Variants in ANKDD1A observed in about 807,000 individuals in gnomAD.
The protein encoded by ANKDD1A is ankyrin repeat and death domain-containing protein 1A.
ANKDD1A carries 59 observed loss-of-function variants against 63.5 expected under a neutral mutation model. The observed-to-expected ratio is 0.93, with a 90% CI of 0.75 to 1.15. ANKDD1A has a LOEUF of 1.15. Ranked by LOEUF, ANKDD1A falls within the 50% of genes most tolerant of loss-of-function variation. The pLI is 0.00. For missense variants in ANKDD1A, 632 were observed against 656.4 expected, an observed-to-expected ratio of 0.96 and a Z score of 0.41; for synonymous variants, 266 against 263.9, an observed-to-expected ratio of 1.01 and a Z score of -0.08.
chr15:64,957,401 C>T lies in ANKDD1A; in HGVS notation c.*213C>T, dbSNP rs2085427314. The T allele has an allele frequency of 6.2e-6, 1 of 161,022 alleles. No homozygotes were observed. Among genetic ancestry groups the T allele is most frequent in the Non-Finnish European group, 1.4e-5 (1 of 73,094 alleles). The allele number at this position is 161,022 out of a possible 1,614,324, so 10.0% of individuals were successfully genotyped here. ...GCTTATCACAGTTACAATGTGTTTTCTGAAAGTAAAGATTATTTTACCTTG... is the reference window on the plus strand; with the variant it reads ...GCTTATCACAGTTACAATGTGTTTTTTGAAAGTAAAGATTATTTTACCTTG... On this transcript the variant is annotated 3_prime_UTR_variant, in exon 15 of 15. Transcript: ENST00000319580.
At chr15:64,952,127 TCTTC>T (rs2085299421) in intron 14 of ANKDD1A, among the ~76,000 whole-genome samples, 1 of 135,900 alleles carries the variant, frequency 7.4e-6, no homozygotes, top group African/African-American at 3.6e-5. Context: ...TTCTTCTCTT[TCTTC>T]TTCTTCCTTA....
In ANKDD1A at chr15:64,957,099, C is replaced by T. The variant is rs2085424433; in HGVS notation, c.1484-4C>T. On this transcript the variant is annotated splice_region_variant and splice_polypyrimidine_tract_variant and intron_variant, in intron 14 of 14. Transcript: ENST00000319580. ...TTTTGAGACAGTCTTGCTCTCTCACCCAGGCTGGAGTACAATGGCGAGATC... is the reference window on the plus strand; with the variant it reads ...TTTTGAGACAGTCTTGCTCTCTCACTCAGGCTGGAGTACAATGGCGAGATC... 2.2e-6 allele frequency: 1 copy of T among 448,266 alleles called. No individual in the cohort carries two copies. The highest frequency in any genetic ancestry group is 2.0e-5 in the African/African-American group (1 of 49,216). 27.8% of individuals were successfully genotyped at this position (448,266 alleles called of 1,614,324 possible).
intron 14 of ANKDD1A, among the ~76,000 whole-genome samples, chr15:64,956,332 G>A (rs2085416534): frequency 2.6e-5 from 4 of 151,098 alleles, no homozygotes; most frequent in South Asian, 4.2e-4. Flanking sequence ...GGCAGATCAC[G>A]AGGTCAGGAG....
In ANKDD1A at chr15:64,942,523, GCTC is replaced by G; in HGVS notation, c.928_930del (p.Leu310del). Reference sequence around the variant, plus strand: ...GGCACAACTTCCCTGCCTTGGTCCGGCTCCTCATCAACTCCGACAGTGACGTGA... The same window carrying G: ...GGCACAACTTCCCTGCCTTGGTCCGGCTCATCAACTCCGACAGTGACGTGA... On this transcript the variant is annotated inframe_deletion, in exon 10 of 15. Coordinates refer to ENST00000319580, the MANE Select transcript of ANKDD1A (RefSeq NM_182703.6). 2 of 1,613,842 alleles carry G rather than the reference GCTC, an allele frequency of 1.2e-6. No individual in the cohort carries two copies. Among genetic ancestry groups the G allele is most frequent in the Non-Finnish European group, 1.7e-6 (2 of 1,179,924 alleles).
At chr15:64,935,505 C>G (rs769556110) in intron 9 of ANKDD1A, among the ~76,000 whole-genome samples, 5 of 151,956 alleles carry the variant, frequency 3.3e-5, no homozygotes, top group Non-Finnish European at 7.4e-5. Flanking sequence ...GAAACCCCAT[C>G]TCTACTAAAA....
intron 10 of ANKDD1A, 138 bp from the exon 11 acceptor site, chr15:64,943,346 A>G: frequency 1.4e-6 from 1 of 735,496 alleles, no homozygotes; most frequent in Non-Finnish European, 2.3e-6. Flanking sequence ...CATGTATGTA[A>G]AACCAACAAA....
rs748575132 is a variant in ANKDD1A, at chr15:64,915,766, C to G, written c.35-31C>G. ...TGTCTGCAGTGTGGGGCATCCTCCCCCTCATCCTGCACCCCATTTTCTCCC... is the reference window on the plus strand; with the variant it reads ...TGTCTGCAGTGTGGGGCATCCTCCCGCTCATCCTGCACCCCATTTTCTCCC... On this transcript the variant is annotated intron_variant, in intron 1 of 14. Transcript: ENST00000319580. 63 of 1,596,488 alleles carry G rather than the reference C, an allele frequency of 3.9e-5. No homozygotes were observed. The East Asian group carries it at 1.2e-3, about 31-fold the overall frequency.
intron 2 of ANKDD1A, 136 bp downstream of exon 2, chr15:64,916,036 T>C (rs1383573898): frequency 1.3e-6 from 1 of 798,090 alleles, no homozygotes. Flanking sequence ...TCGGGCTCTG[T>C]CCTCATGGCC....
intron 5 of ANKDD1A, 52 bp from the exon 6 acceptor site, chr15:64,926,849 T>C (rs1595848848): frequency 6.3e-7 from 1 of 1,593,516 alleles, no homozygotes; most frequent in Admixed American, 1.7e-5. Context: ...CAGAGGCAGG[T>C]ATGCCCACTG....
At position 64,943,579 on chromosome 15, in the gene ANKDD1A, T is replaced by C. The variant is rs148623549; in HGVS notation, c.1062T>C (p.Asp354=). Reference sequence around the variant, plus strand: ...CTGGGGTTGACTTAAACCTGAGAGATAAGGTACCTCTGCTTACAACCCACC... The same window carrying C: ...CTGGGGTTGACTTAAACCTGAGAGACAAGGTACCTCTGCTTACAACCCACC... ...LIAGVDLNLR[D]KQGKTALAVA... Residue 354 remains aspartate, a synonymous_variant, in exon 11 of 15, where the codon GAT becomes GAC. Coordinates refer to ENST00000319580, the MANE Select transcript of ANKDD1A (RefSeq NM_182703.6). 64 of 1,614,142 alleles carry C rather than the reference T, an allele frequency of 4.0e-5. No homozygotes were observed. In the African/African-American group the frequency reaches 8.4e-4, roughly 21 times the overall value.
At chr15:64,936,143 A>G (rs1023957938) in intron 9 of ANKDD1A, among the ~76,000 whole-genome samples, 4 of 152,180 alleles carry the variant, frequency 2.6e-5, no homozygotes, top group South Asian at 2.1e-4. Flanking sequence ...CAAGTACTAT[A>G]TTTAAACTTA....
chr15:64,934,211 G>A lies in ANKDD1A; in HGVS notation c.844G>A (p.Gly282Ser), dbSNP rs1186010202. 6.2e-7 allele frequency: 1 copy of A among 1,612,218 alleles called. No individual in the cohort carries two copies. The highest frequency in any genetic ancestry group is 8.5e-7 in the Non-Finnish European group (1 of 1,179,192). The change falls in exon 9 of 15, where the codon GGC becomes AGC. Residue 282 changes from glycine (G) to serine (S), a missense_variant. By Grantham distance (56) the Gly-to-Ser change is moderately conservative. Coordinates refer to ENST00000319580, the MANE Select transcript of ANKDD1A (RefSeq NM_182703.6). Reference sequence around the variant, plus strand: ...GTCTCGGGTCCTCATCCACGCAGGAGGCTGCGCCAACGTGGTTGATCATGT... The same window carrying A: ...GTCTCGGGTCCTCATCCACGCAGGAAGCTGCGCCAACGTGGTTGATCATGT... ...DVSRVLIHAG[G>S]CANVVDHQGA...
At chr15:64,931,356 A>G in intron 7 of ANKDD1A, 131 bp from the exon 8 acceptor site, 2 of 754,984 alleles carry the variant, frequency 2.6e-6, no homozygotes, top group Non-Finnish European at 2.1e-6. Context: ...CATTGTTCCC[A>G]GGGGCAGGGC....
chr15:64,936,589 A>T (rs903058486), intron 9 of ANKDD1A, among the ~76,000 whole-genome samples: 1 of 152,206 alleles, frequency 6.6e-6, no homozygotes, highest in Non-Finnish European at 1.5e-5. Context: ...CTGTAATCCC[A>T]ACACTTTGGA....
At chr15:64,952,402 TCTTCTTCTTCTC>T in intron 14 of ANKDD1A, among the ~76,000 whole-genome samples, 1 of 13,298 alleles carries the variant, frequency 7.5e-5, no homozygotes, top group Non-Finnish European at 2.6e-4. Flanking sequence ...TCTTCCTCCT[TCTTCTTCTTCTC>T]CTTCTTAGTT....
chr15:64,929,409 T>C (rs2085071386), intron 6 of ANKDD1A, among the ~76,000 whole-genome samples: 1 of 152,164 alleles, frequency 6.6e-6, no homozygotes, highest in Non-Finnish European at 1.5e-5. Flanking sequence ...GCTCAAGCTA[T>C]CTGCCCACCT....
At chr15:64,938,787 A>C (rs2085156407) in intron 9 of ANKDD1A, among the ~76,000 whole-genome samples, 1 of 151,688 alleles carries the variant, frequency 6.6e-6, no homozygotes, top group Non-Finnish European at 1.5e-5. Flanking sequence ...CCCCATCTTA[A>C]CTCAAAAATT....
At chr15:64,941,138 G>A (rs1447670416) in intron 9 of ANKDD1A, among the ~76,000 whole-genome samples, 1 of 152,040 alleles carries the variant, frequency 6.6e-6, no homozygotes, top group Non-Finnish European at 1.5e-5. Context: ...ATCCTTCATA[G>A]TTAGTTTATA....
In ANKDD1A at chr15:64,926,154, T is replaced by G; in HGVS notation, c.455T>G (p.Leu152Arg). The change falls in exon 5 of 15, where the codon CTG (leucine) becomes CGG (arginine). Residue 152 changes from leucine to arginine, a missense_variant. Leu to Arg is a moderately radical substitution (Grantham distance 102, BLOSUM62 -2). Transcript: ENST00000319580. ...FIMEDLEDVALDHVDKLGRTA... is the reference protein window; with the variant it reads ...FIMEDLEDVARDHVDKLGRTA... ...ATGGAGGACCTGGAGGATGTGGCCC[T>G]GGACCACGTAGACAAGGTGAGAGTG... 1 of 1,613,946 alleles carries G rather than the reference T, an allele frequency of 6.2e-7. No individual in the cohort carries two copies. Among genetic ancestry groups the G allele is most frequent in the South Asian group, 1.1e-5 (1 of 91,052 alleles).
Sources: allele counts gnomAD v4.1 joint callset (sites outside exome capture counted in the v4.1 genomes callset), GRCh38; gene constraint gnomAD v4.1.1; transcripts MANE v1.5; gene names NCBI Gene and HGNC (gene_info 2026-07-23, HGNC 2026-07-21).